Variants in SGCZ observed in about 807,000 individuals in gnomAD.
SGCZ encodes zeta-sarcoglycan.
In SGCZ, 40 loss-of-function variants were observed where a neutral mutation model predicts 41.3. The observed-to-expected ratio is 0.97, with a 90% CI of 0.75 to 1.26. The LOEUF (loss-of-function observed/expected upper bound fraction) is 1.26. SGCZ is among the 50% of genes most tolerant of loss of function. The pLI, the probability that SGCZ is intolerant of heterozygous loss-of-function variation, is 0.00. For missense variants in SGCZ, 552 were observed against 369.8 expected, an observed-to-expected ratio of 1.49 and a Z score of -4.04; for synonymous variants, 206 against 137.5, an observed-to-expected ratio of 1.50 and a Z score of -3.49.
At chr8:14,101,205 T>G (rs544535055) in intron 7 of SGCZ, among the ~76,000 whole-genome samples, 23 of 152,164 alleles carry the variant, frequency 1.5e-4, no homozygotes, top group Non-Finnish European at 2.9e-4. Context: ...AATATGAGAT[T>G]AGATAGTGGG....
chr8:14,138,918 C>G (rs1585169982), intron 5 of SGCZ, among the ~76,000 whole-genome samples: 1 of 152,208 alleles, frequency 6.6e-6, no homozygotes, highest in East Asian at 1.9e-4. Context: ...GCACTTATTC[C>G]AAAACTGACC....
intron 1 of SGCZ, among the ~76,000 whole-genome samples, chr8:15,219,039 C>A (rs889657423): frequency 3.3e-5 from 5 of 152,102 alleles, no homozygotes; most frequent in East Asian, 1.9e-4. Context: ...CGCTGTAAAT[C>A]GTTTTACCCT....
intron 1 of SGCZ, among the ~76,000 whole-genome samples, chr8:14,926,962 A>G (rs1170938986): frequency 1.3e-5 from 2 of 151,964 alleles, no homozygotes; most frequent in Admixed American, 6.6e-5. Flanking sequence ...TAATGGAGAA[A>G]TGACATCAAA....
chr8:14,635,496 T>C (rs752629758), intron 1 of SGCZ, among the ~76,000 whole-genome samples: 1 of 151,996 alleles, frequency 6.6e-6, no homozygotes, highest in Non-Finnish European at 1.5e-5. Context: ...GCTTTACTTT[T>C]CATGATTTGT....
At chr8:14,920,516 G>C (rs994263767) in intron 1 of SGCZ, among the ~76,000 whole-genome samples, 5 of 152,134 alleles carry the variant, frequency 3.3e-5, no homozygotes, top group Non-Finnish European at 7.3e-5. Flanking sequence ...TAATAATTTA[G>C]AGAGAAGCAA....
intron 1 of SGCZ, among the ~76,000 whole-genome samples, chr8:14,967,514 G>C (rs1432617437): frequency 2.0e-5 from 3 of 152,032 alleles, no homozygotes; most frequent in Non-Finnish European, 4.4e-5. Flanking sequence ...CTGATTTCCA[G>C]ACTCTCATAC....
intron 1 of SGCZ, among the ~76,000 whole-genome samples, chr8:14,949,121 T>C (rs1800547476): frequency 1.3e-5 from 2 of 152,146 alleles, no homozygotes; most frequent in South Asian, 4.1e-4. Flanking sequence ...AACCAGAAAA[T>C]CAAGAATTAG....
intron 1 of SGCZ, among the ~76,000 whole-genome samples, chr8:15,187,560 T>A (rs1006999766): frequency 2.6e-5 from 4 of 152,074 alleles, no homozygotes; most frequent in African/African-American, 9.6e-5. Context: ...ATAGTATTTA[T>A]GACAGTGCTT....
chr8:14,555,041 T>C (rs1425698134), intron 1 of SGCZ, 115 bp from the exon 2 acceptor site: 5 of 875,382 alleles, frequency 5.7e-6, no homozygotes, highest in Non-Finnish European at 8.6e-6. Context: ...TAATTGGCAG[T>C]GAGCATTCAA....
At chr8:14,395,845 A>G (rs2054356) in intron 2 of SGCZ, among the ~76,000 whole-genome samples, 66,801 of 152,070 alleles carry the variant, frequency 0.44, 16,149 homozygotes, top group African/African-American at 0.66. Context: ...GTGGCTTCCA[A>G]TACATGTGGA....
chr8:14,259,103 C>A (rs1280672895), intron 3 of SGCZ, among the ~76,000 whole-genome samples: 2 of 152,078 alleles, frequency 1.3e-5, no homozygotes, highest in South Asian at 2.1e-4. Context: ...CCTTGGGTAA[C>A]CTCTAGTATA....
chr8:14,333,740 A>G (rs541854374), intron 2 of SGCZ, among the ~76,000 whole-genome samples: 2 of 151,508 alleles, frequency 1.3e-5, no homozygotes, highest in East Asian at 3.9e-4. Flanking sequence ...CCCTTTAAAT[A>G]CACCAGGGAA....
At chr8:14,341,223 C>A (rs1478299562) in intron 2 of SGCZ, among the ~76,000 whole-genome samples, 1 of 152,164 alleles carries the variant, frequency 6.6e-6, no homozygotes, top group Non-Finnish European at 1.5e-5. Context: ...TTGTGAATAA[C>A]TTTGCTATGA....
intron 2 of SGCZ, among the ~76,000 whole-genome samples, chr8:14,543,702 T>C (rs1448453459): frequency 6.6e-6 from 1 of 152,128 alleles, no homozygotes; most frequent in Admixed American, 6.6e-5. Context: ...ACTGGTTATT[T>C]AGTACGGGCA....
At chr8:14,690,429 A>G (rs539580782) in intron 1 of SGCZ, 1 of 152,238 alleles carries the variant, frequency 6.6e-6, no homozygotes, top group African/African-American at 2.4e-5. Flanking sequence ...GCACCTCAAG[A>G]TCAAGCTAAA....
chr8:14,158,889 C>G lies in SGCZ; in HGVS notation c.547+5691G>C, dbSNP rs1037390570. ...GTTCAAATGATCCTCCTGCCTCAGC[C>G]TCTCGAGTAGCTGGGACTACAGGTG... On this transcript the variant is annotated intron_variant, in intron 5 of 7. Transcript: ENST00000382080. Among the ~76,000 whole-genome samples, 4 of 152,104 alleles carry G rather than the reference C, an allele frequency of 2.6e-5. No individual in the cohort carries two copies. The East Asian group carries it at 5.8e-4, about 22-fold the overall frequency.
intron 1 of SGCZ, among the ~76,000 whole-genome samples, chr8:14,863,107 C>T (rs1803810229): frequency 6.6e-6 from 1 of 152,052 alleles, no homozygotes; most frequent in Admixed American, 6.6e-5. Context: ...ACATCAGAAA[C>T]ACTGACTTGC....
intron 1 of SGCZ, among the ~76,000 whole-genome samples, chr8:14,919,080 ATTAG>A (rs1221480001): frequency 6.6e-6 from 1 of 152,174 alleles, no homozygotes; most frequent in Non-Finnish European, 1.5e-5. Flanking sequence ...CGTTGATTCA[ATTAG>A]TTAATAAAAT....
intron 1 of SGCZ, among the ~76,000 whole-genome samples, chr8:14,981,520 G>T (rs977406274): frequency 6.6e-6 from 1 of 152,112 alleles, no homozygotes; most frequent in Non-Finnish European, 1.5e-5. Context: ...ATAATCATCA[G>T]CATGAAATTT....
Sources: gnomAD v4.1 joint callset for allele counts (sites outside exome capture counted in the v4.1 genomes callset) on GRCh38, gnomAD v4.1.1 for gene constraint, MANE v1.5 for transcripts, NCBI Gene and HGNC (gene_info 2026-07-23, HGNC 2026-07-21) for gene names.